DNAJC15: variants seen among roughly 807,000 people sequenced by gnomAD.
The protein encoded by DNAJC15 is dnaJ homolog subfamily C member 15.
In DNAJC15, 27 loss-of-function variants were observed where a neutral mutation model predicts 22.4. The ratio of observed to expected loss-of-function variants is 1.20; its 90% CI spans 0.89 to 1.66. DNAJC15 has a LOEUF of 1.66. Ranked by LOEUF, DNAJC15 falls within the 40% of genes most tolerant of loss-of-function variation. DNAJC15 has a pLI of 0.00. For synonymous variants in DNAJC15, 79 were observed against 63.2 expected (o/e 1.25, Z -1.19); for missense variants, 208 against 187.1 (o/e 1.11, Z -0.65).
At chr13:43,077,678 A>G (rs888842068) in intron 3 of DNAJC15, among the ~76,000 whole-genome samples, 1 of 152,214 alleles carries the variant, frequency 6.6e-6, no homozygotes, top group African/African-American at 2.4e-5. Flanking sequence ...GGGAGCTATC[A>G]GCCAGCCACA....
intron 1 of DNAJC15, among the ~76,000 whole-genome samples, chr13:43,048,406 C>T (rs1334060265): frequency 2.6e-5 from 4 of 151,864 alleles, no homozygotes; most frequent in African/African-American, 4.8e-5. Context: ...GCAGGAGAAT[C>T]GTTTGAACCC....
At chr13:43,057,393 T>G (rs1309822279) in intron 1 of DNAJC15, among the ~76,000 whole-genome samples, 2 of 152,182 alleles carry the variant, frequency 1.3e-5, no homozygotes, top group Admixed American at 1.3e-4. Context: ...TCGATTCTGT[T>G]GTAACTTTCC....
intron 1 of DNAJC15, among the ~76,000 whole-genome samples, chr13:43,045,141 C>T (rs1209081707): frequency 6.6e-6 from 1 of 152,160 alleles, no homozygotes; most frequent in Non-Finnish European, 1.5e-5. Flanking sequence ...TGCACACTGG[C>T]CTTCTGGCTA....
intron 1 of DNAJC15, among the ~76,000 whole-genome samples, chr13:43,048,364 T>G (rs1370691301): frequency 6.6e-6 from 1 of 151,434 alleles, no homozygotes; most frequent in Non-Finnish European, 1.5e-5. Context: ...TGGTGGCTCA[T>G]GCCTGTAATC....
Position 43,023,679 on chromosome 13 carries a change from A to C in DNAJC15, c.53A>C (p.Glu18Ala), listed in dbSNP as rs561739659. Reference sequence around the variant, plus strand: ...GTTGGCGAGAGTTTGCGCTACGCTGAGTACTTGCAGCCCTCGGCCAAACGG... The same window carrying C: ...GTTGGCGAGAGTTTGCGCTACGCTGCGTACTTGCAGCCCTCGGCCAAACGG... Reference protein sequence around the residue: ...APVGESLRYAEYLQPSAKRPD... With the variant: ...APVGESLRYAAYLQPSAKRPD... The change falls in exon 1 of 6, where the codon GAG becomes GCG. Residue 18 changes from glutamate to alanine, a missense_variant. Glu to Ala is a moderately radical substitution (Grantham distance 107). Coordinates refer to ENST00000379221, the MANE Select transcript of DNAJC15 (RefSeq NM_013238.3). 3.7e-5 allele frequency: 60 copies of C among 1,612,990 alleles called. 2 individuals are homozygous for C. The South Asian group carries it at 4.5e-4, about 12-fold the overall frequency.
chr13:43,097,176 T>C (rs563520603), intron 5 of DNAJC15, among the ~76,000 whole-genome samples: 1 of 152,354 alleles, frequency 6.6e-6, no homozygotes, highest in Admixed American at 6.5e-5. Flanking sequence ...AGGCGGATGC[T>C]GATTTACTTA....
At chr13:43,090,239 A>G (rs929595772) in intron 5 of DNAJC15, among the ~76,000 whole-genome samples, 2 of 152,240 alleles carry the variant, frequency 1.3e-5, no homozygotes, top group African/African-American at 4.8e-5. Flanking sequence ...TCAGCTAGGC[A>G]TCTGCCTTGT....
chr13:43,085,917 T>C, intron 5 of DNAJC15, 79 bp downstream of exon 5: 1 of 1,294,720 alleles, frequency 7.7e-7, no homozygotes, highest in South Asian at 1.3e-5. Context: ...TCATATATGA[T>C]ATATAGTTGA....
rs552858496 is a variant in DNAJC15 at position 43,108,913 on chromosome 13, G to A, written c.*1665G>A. 3.3e-5 allele frequency: 5 copies of A among 152,222 alleles called. No individual in the cohort carries two copies. Among genetic ancestry groups the A allele is most frequent in the South Asian group, 2.1e-4 (1 of 4,828 alleles). The allele number at this position is 152,222 out of a possible 1,614,324, so 9.4% of individuals were successfully genotyped here. On this transcript the variant is annotated 3_prime_UTR_variant, in exon 6 of 6. Transcript: ENST00000379221. ...ATTTCTTGCTTTAAAGTCCCCATAC[G>A]TGTCCTACTAATTTTCTCATGCTTT... is the stretch of plus-strand genomic sequence containing the variant.
chr13:43,023,826 T>C, intron 1 of DNAJC15, 92 bp downstream of exon 1: 6 of 1,170,036 alleles, frequency 5.1e-6, no homozygotes, highest in Non-Finnish European at 7.3e-6. Flanking sequence ...ACCTTTGTAC[T>C]CCCCCGCATT....
At chr13:43,093,533 C>T (rs1468775261) in intron 5 of DNAJC15, among the ~76,000 whole-genome samples, 1 of 152,182 alleles carries the variant, frequency 6.6e-6, no homozygotes, top group Non-Finnish European at 1.5e-5. Context: ...ACCCTAGCCT[C>T]TCAAGTACTT....
At chr13:43,074,991 G>C (rs1296427015) in intron 3 of DNAJC15, among the ~76,000 whole-genome samples, 1 of 152,192 alleles carries the variant, frequency 6.6e-6, no homozygotes, top group African/African-American at 2.4e-5. Flanking sequence ...AGGGCTGACC[G>C]TGGTGCCTGA....
At chr13:43,080,542 A>T (rs1306075734) in intron 4 of DNAJC15, among the ~76,000 whole-genome samples, 1 of 152,262 alleles carries the variant, frequency 6.6e-6, no homozygotes. Context: ...CATGGTACTT[A>T]CTAACTACTC....
intron 1 of DNAJC15, among the ~76,000 whole-genome samples, chr13:43,046,724 C>T (rs780251132): frequency 4.6e-5 from 7 of 152,152 alleles, no homozygotes; most frequent in Non-Finnish European, 8.8e-5. Context: ...AATCTTGCAA[C>T]TGCACACTCT....
chr13:43,032,886 C>T (rs910278585), intron 1 of DNAJC15, among the ~76,000 whole-genome samples: 19 of 152,076 alleles, frequency 1.2e-4, no homozygotes, highest in African/African-American at 4.6e-4. Flanking sequence ...AATTGGCTCA[C>T]GATTCCATAG....
rs562540317 is a variant in DNAJC15, at chr13:43,100,955, A to G, written c.383-6223A>G. The stretch of plus-strand genomic sequence containing the variant: ...TCTATTGTTAGGTGCACATATGTTT[A>G]CAGTTGTCCCATCTTCCAGGTTGAT... On this transcript the variant is annotated intron_variant, in intron 5 of 5. Coordinates refer to ENST00000379221, the MANE Select transcript of DNAJC15 (RefSeq NM_013238.3). Among the ~76,000 whole-genome samples the G allele has an allele frequency of 1.8e-4, 28 of 152,208 alleles. No homozygotes were observed. In the South Asian group the frequency reaches 4.6e-3, roughly 25 times the overall value.
chr13:43,101,729 C>T (rs1350184583), intron 5 of DNAJC15, among the ~76,000 whole-genome samples: 1 of 152,184 alleles, frequency 6.6e-6, no homozygotes, highest in Admixed American at 6.5e-5. Context: ...ATAATGGTCT[C>T]CAATTCCATC....
intron 1 of DNAJC15, among the ~76,000 whole-genome samples, chr13:43,036,289 C>G (rs1384961459): frequency 6.6e-6 from 1 of 151,794 alleles, no homozygotes; most frequent in African/African-American, 2.4e-5. Context: ...CCTCAGCTTC[C>G]CAAGTAGCTG....
Position 43,102,124 on chromosome 13 carries a change from T to A in DNAJC15, c.383-5054T>A, listed in dbSNP as rs186452843. 2.0e-5 allele frequency among the ~76,000 whole-genome samples: 3 copies of A among 152,342 alleles called. No individual in the cohort carries two copies. The East Asian group carries it at 5.8e-4, about 29-fold the overall frequency. On this transcript the variant is annotated intron_variant, in intron 5 of 5. Transcript: ENST00000379221. ...TTTGATTTTTTAATTATGGCCATTT[T>A]TGGAGGAGTAAGATGGTATGGCATT...
Sources: gnomAD v4.1 joint callset for allele counts (sites outside exome capture counted in the v4.1 genomes callset) on GRCh38, gnomAD v4.1.1 for gene constraint, MANE v1.5 for transcripts, NCBI Gene and HGNC (gene_info 2026-07-23, HGNC 2026-07-21) for gene names.